ADAMTSL1: variants seen among roughly 807,000 people sequenced by gnomAD.
The protein encoded by ADAMTSL1 is ADAMTS like 1.
In ADAMTSL1, 126 loss-of-function variants were observed where a neutral mutation model predicts 201.8. The ratio of observed to expected loss-of-function variants is 0.62; its 90% CI spans 0.54 to 0.72. ADAMTSL1 has a LOEUF of 0.72. Among genes scored for constraint, ADAMTSL1 ranks in the 30% least tolerant of loss-of-function variants. The pLI is 0.00. For missense variants in ADAMTSL1, 2,679 were observed against 2,277.8 expected, an observed-to-expected ratio of 1.18 and a Z score of -3.59; for synonymous variants, 1,121 against 903.4, an observed-to-expected ratio of 1.24 and a Z score of -4.32.
chr9:18,515,926 C>G (rs1199706902), intron 2 of ADAMTSL1, among the ~76,000 whole-genome samples: 5 of 151,854 alleles, frequency 3.3e-5, no homozygotes, highest in African/African-American at 2.4e-5. Flanking sequence ...GGTGAATGAC[C>G]AGGTTAATGT....
intron 1 of ADAMTSL1, among the ~76,000 whole-genome samples, chr9:17,951,109 G>A (rs969429553): frequency 6.6e-6 from 1 of 152,122 alleles, no homozygotes; most frequent in African/African-American, 2.4e-5. Context: ...CTTCCTTGTG[G>A]GGCATCCCAT....
intron 2 of ADAMTSL1, among the ~76,000 whole-genome samples, chr9:18,218,162 T>C (rs1353608675): frequency 1.3e-5 from 2 of 152,316 alleles, no homozygotes; most frequent in South Asian, 4.1e-4. Flanking sequence ...TCATCTACGA[T>C]CAAATAGAAT....
chr9:18,434,418 T>C (rs1453098740), intron 2 of ADAMTSL1, among the ~76,000 whole-genome samples: 3 of 152,176 alleles, frequency 2.0e-5, no homozygotes, highest in Non-Finnish European at 4.4e-5. Flanking sequence ...CCTGGAACTA[T>C]TGTATACACT....
At chr9:18,799,622 A>G (rs999242940) in intron 20 of ADAMTSL1, among the ~76,000 whole-genome samples, 3 of 152,202 alleles carry the variant, frequency 2.0e-5, no homozygotes, top group Non-Finnish European at 4.4e-5. Context: ...TCAATGGGAA[A>G]TGAGAATAAG....
At chr9:17,908,479 G>A (rs938554395) in intron 1 of ADAMTSL1, among the ~76,000 whole-genome samples, 3 of 150,912 alleles carry the variant, frequency 2.0e-5, no homozygotes, top group African/African-American at 7.3e-5. Context: ...TTTTTGAAAC[G>A]GAGTTTCACT....
At chr9:18,556,235 A>G (rs951227) in intron 3 of ADAMTSL1, among the ~76,000 whole-genome samples, 38,220 of 151,878 alleles carry the variant, frequency 0.25, 5,526 homozygotes, top group Admixed American at 0.35. Flanking sequence ...TCATTATAAT[A>G]AAAGCTTGAC....
chr9:18,465,302 C>G (rs906813052), intron 2 of ADAMTSL1, among the ~76,000 whole-genome samples: 2 of 152,166 alleles, frequency 1.3e-5, no homozygotes, highest in African/African-American at 4.8e-5. Context: ...GTCCTGCCAC[C>G]CTGTATTGCT....
intron 1 of ADAMTSL1, among the ~76,000 whole-genome samples, chr9:18,036,012 T>A (rs1451974901): frequency 6.6e-6 from 1 of 152,056 alleles, no homozygotes; most frequent in Non-Finnish European, 1.5e-5. Context: ...TACAATAAAA[T>A]GAGATGAGTG....
intron 2 of ADAMTSL1, among the ~76,000 whole-genome samples, chr9:18,303,655 A>G (rs931819146): frequency 4.6e-5 from 7 of 152,172 alleles, no homozygotes; most frequent in Admixed American, 3.3e-4. Context: ...GAGTCAGGAG[A>G]GGAAGAGAGA....
At chr9:18,412,993 C>T (rs1384456340) in intron 2 of ADAMTSL1, among the ~76,000 whole-genome samples, 1 of 151,700 alleles carries the variant, frequency 6.6e-6, no homozygotes, top group Non-Finnish European at 1.5e-5. Flanking sequence ...ATACACATTG[C>T]CTTGTCGTTT....
intron 4 of ADAMTSL1, among the ~76,000 whole-genome samples, chr9:18,588,291 C>T (rs918389857): frequency 2.6e-5 from 4 of 152,060 alleles, no homozygotes; most frequent in African/African-American, 9.7e-5. Context: ...CTATTCAGGT[C>T]TTTTGTCCAT....
At chr9:18,686,093 A>AT (rs1195402552) in intron 13 of ADAMTSL1, among the ~76,000 whole-genome samples, 24 of 151,350 alleles carry the variant, frequency 1.6e-4, no homozygotes, top group African/African-American at 5.6e-4. Flanking sequence ...TATGTTTTTA[A>AT]TTTTTTTTGC....
intron 2 of ADAMTSL1, among the ~76,000 whole-genome samples, chr9:18,336,594 T>C (rs879817536): frequency 6.6e-6 from 1 of 152,170 alleles, no homozygotes; most frequent in Non-Finnish European, 1.5e-5. Context: ...TCATAGAATT[T>C]AAAATTTTTA....
chr9:18,282,591 C>G (rs760866859), intron 2 of ADAMTSL1, among the ~76,000 whole-genome samples: 8 of 152,130 alleles, frequency 5.3e-5, no homozygotes, highest in Non-Finnish European at 8.8e-5. Context: ...GGTGAATATT[C>G]CATGTGCACT....
At chr9:18,855,259 A>G (rs1419725429) in intron 23 of ADAMTSL1, among the ~76,000 whole-genome samples, 1 of 152,226 alleles carries the variant, frequency 6.6e-6, no homozygotes, top group Non-Finnish European at 1.5e-5. Flanking sequence ...ACACACTGGT[A>G]TAGTTGGACT....
At chr9:18,790,806 A>G (rs115951139) in intron 19 of ADAMTSL1, among the ~76,000 whole-genome samples, 18 of 152,342 alleles carry the variant, frequency 1.2e-4, no homozygotes, top group African/African-American at 3.8e-4. Context: ...GTAAAGTAAT[A>G]AATTTTAGGC....
intron 2 of ADAMTSL1, among the ~76,000 whole-genome samples, chr9:18,468,613 A>G (rs1248222229): frequency 6.6e-6 from 1 of 152,204 alleles, no homozygotes; most frequent in Non-Finnish European, 1.5e-5. Context: ...GCCAGCAAAC[A>G]AACAAAAAAA....
chr9:18,030,262 C>T (rs1010091739), intron 1 of ADAMTSL1, among the ~76,000 whole-genome samples: 1 of 152,110 alleles, frequency 6.6e-6, no homozygotes, highest in African/African-American at 2.4e-5. Context: ...ATGGATGAAA[C>T]TGGAAACCAT....
intron 1 of ADAMTSL1, among the ~76,000 whole-genome samples, chr9:18,149,497 G>T (rs77280341): frequency 6.6e-6 from 1 of 152,074 alleles, no homozygotes; most frequent in South Asian, 2.1e-4. Context: ...AGTACCACTT[G>T]CTACTGCAGT....
Sources: gnomAD v4.1 joint callset for allele counts (sites outside exome capture counted in the v4.1 genomes callset) on GRCh38, gnomAD v4.1.1 for gene constraint, MANE v1.5 for transcripts, NCBI Gene and HGNC (gene_info 2026-07-23, HGNC 2026-07-21) for gene names.